PLCH2: variants seen among roughly 807,000 people sequenced by gnomAD.
The protein encoded by PLCH2 is phospholipase C eta 2, also known as 1-phosphatidylinositol 4,5-bisphosphate phosphodiesterase eta-2.
Under a neutral mutation model 134.7 loss-of-function variants are expected in PLCH2, and 98 were observed. The ratio of observed to expected loss-of-function variants is 0.73; its 90% CI spans 0.62 to 0.86. PLCH2 has a LOEUF of 0.86. Ranked by LOEUF, PLCH2 falls within the 40% of genes least tolerant of loss-of-function variation. The pLI, the probability that PLCH2 is intolerant of heterozygous loss-of-function variation, is 0.00. For missense variants in PLCH2, 1,994 were observed against 1,986.6 expected, an observed-to-expected ratio of 1.00 and a Z score of -0.07; for synonymous variants, 974 against 827.5, an observed-to-expected ratio of 1.18 and a Z score of -3.04.
At chr1:2,479,295 C>A (rs1003336185) in intron 2 of PLCH2, 1 of 170,852 alleles carries the variant, frequency 5.9e-6, no homozygotes, top group African/African-American at 2.4e-5. Flanking sequence ...CCAGGGGGAC[C>A]TGAGGTCACA....
chr1:2,432,658 C>G (rs968720736), intron 2 of PLCH2, among the ~76,000 whole-genome samples: 1 of 152,160 alleles, frequency 6.6e-6, no homozygotes, highest in Non-Finnish European at 1.5e-5. Context: ...TCTGAGCTGC[C>G]CAGACAGTGC....
chr1:2,424,298 TA>T (rs35560781), upstream of PLCH2, among the ~76,000 whole-genome samples: 83,740 of 151,342 alleles, frequency 0.55, 23,276 homozygotes, highest in East Asian at 0.64. Context: ...ACAACAGAAC[TA>T]AAAAATTCCC....
intron 19 of PLCH2, 70 bp downstream of exon 19, chr1:2,499,300 C>A: frequency 6.4e-7 from 1 of 1,555,852 alleles, no homozygotes; most frequent in Non-Finnish European, 8.8e-7. Context: ...TACTCTTTCC[C>A]CTGTGAGTCA....
chr1:2,497,019 G>C lies in PLCH2; in HGVS notation c.2116+9G>C, dbSNP rs751469232. Reference sequence around the variant, plus strand: ...CGCCGGCTGCCAAATGGGTGGGTGCGGGCATGGTGCGCTGGGTGTGGTGGG... The same window carrying C: ...CGCCGGCTGCCAAATGGGTGGGTGCCGGCATGGTGCGCTGGGTGTGGTGGG... On this transcript the variant is annotated intron_variant, in intron 15 of 21. Transcript: ENST00000378486. 1 of 1,610,624 alleles carries C rather than the reference G, an allele frequency of 6.2e-7. No homozygotes were observed. Among genetic ancestry groups the C allele is most frequent in the African/African-American group, 1.3e-5 (1 of 74,998 alleles).
rs765493639 is a variant in PLCH2 at position 2,484,583 on chromosome 1, G to T, written c.781G>T (p.Ala261Ser). ...YSNHKDHLDA[A>S]SLQRFLQVEQ... is the part of the protein sequence containing the mutation. ...CAACCACAAGGACCACCTGGATGCC[G>T]CCAGCCTGCAGCGCTTCCTGCAGGT... The change falls in exon 5 of 22, where the codon GCC becomes TCC. Residue 261 changes from alanine to serine, a missense_variant. Physicochemically the swap from Ala to Ser is moderately conservative, Grantham distance 99 (BLOSUM62 1). This residue lies in a region of PLCH2 where 1,094 missense variants were observed against 1,234.3 expected (regional missense o/e 0.89). Transcript: ENST00000378486. The T allele has an allele frequency of 1.2e-6, 2 of 1,612,698 alleles. No individual in the cohort carries two copies. The highest frequency in any genetic ancestry group is 1.1e-5 in the South Asian group (1 of 91,082).
chr1:2,477,753 G>A (rs930698701), intron 1 of PLCH2, among the ~76,000 whole-genome samples: 10 of 152,218 alleles, frequency 6.6e-5, no homozygotes, highest in African/African-American at 1.2e-4. Flanking sequence ...GCTCGGATCC[G>A]GCACCACAGC....
At chr1:2,486,104 A>G (rs1471680194) in intron 5 of PLCH2, among the ~76,000 whole-genome samples, 2 of 152,156 alleles carry the variant, frequency 1.3e-5, no homozygotes, top group Non-Finnish European at 2.9e-5. Context: ...ACCTGGCTGC[A>G]GATAGTAGGT....
chr1:2,450,200 G>C (rs1156458213), intron 2 of PLCH2, among the ~76,000 whole-genome samples: 1 of 152,134 alleles, frequency 6.6e-6, no homozygotes, highest in East Asian at 1.9e-4. Context: ...GGCAGATATC[G>C]GGCACCTCCT....
intron 5 of PLCH2, among the ~76,000 whole-genome samples, chr1:2,486,228 A>C (rs1021457994): frequency 6.6e-6 from 1 of 152,048 alleles, no homozygotes; most frequent in Non-Finnish European, 1.5e-5. Flanking sequence ...CCCTCTGTGC[A>C]CTCAGGAGCC....
chr1:2,447,911 C>T (rs554518621), intron 2 of PLCH2, among the ~76,000 whole-genome samples: 1 of 152,174 alleles, frequency 6.6e-6, no homozygotes, highest in African/African-American at 2.4e-5. Context: ...TCCCTGGCTG[C>T]GGGACTTTGG....
intron 11 of PLCH2, among the ~76,000 whole-genome samples, 171 bp from the exon 12 acceptor site, chr1:2,494,685 G>C (rs917407922): frequency 1.3e-5 from 2 of 152,126 alleles, no homozygotes; most frequent in African/African-American, 4.8e-5. Context: ...CTGCCACGGG[G>C]GCTCCCCAAC....
chr1:2,437,692 G>A (rs905837301), intron 2 of PLCH2, among the ~76,000 whole-genome samples: 5 of 152,136 alleles, frequency 3.3e-5, no homozygotes, highest in Admixed American at 1.3e-4. Flanking sequence ...ACATGCACAC[G>A]CACACACGAA....
In PLCH2 at chr1:2,468,306, C is replaced by T. The variant is rs1570365317; in HGVS notation, c.43+644C>T. Among the ~76,000 whole-genome samples the T allele has an allele frequency of 5.3e-5, 8 of 152,374 alleles. No individual in the cohort carries two copies. In the South Asian group the frequency reaches 1.0e-3, roughly 20 times the overall value. On this transcript the variant is annotated intron_variant, in intron 1 of 21. Transcript: ENST00000449969. ...TGGTCTGGCCCATCCCGCTCCGCTC[C>T]GGGTTGGAGATTTCTTGCTGTGATC... is the stretch of plus-strand genomic sequence containing the variant.
At chr1:2,466,513 G>A (rs1346796276), upstream of PLCH2, among the ~76,000 whole-genome samples, 1 of 152,234 alleles carries the variant, frequency 6.6e-6, no homozygotes, top group African/African-American at 2.4e-5. Context: ...CATGGCAGGA[G>A]GTGGTCACAC....
In PLCH2 at chr1:2,487,723, G is replaced by C; in HGVS notation, c.1235+5G>C. On this transcript the variant is annotated splice_donor_5th_base_variant and intron_variant, in intron 8 of 21. Transcript: ENST00000378486. ...ATATGCCTTCATCAAGAATGAGTGA[G>C]TGGCTGGGCCTAGCGGGGCTGGCCC... 1 of 1,612,536 alleles carries C rather than the reference G, an allele frequency of 6.2e-7. No homozygotes were observed.
intron 1 of PLCH2, chr1:2,426,064 A>C (rs991020628): frequency 3.9e-5 from 6 of 152,248 alleles, no homozygotes; most frequent in African/African-American, 1.4e-4. Flanking sequence ...GTGCTGTTTC[A>C]ACAAAGACCT....
rs765947066 is a variant in PLCH2, at chr1:2,478,610, G to A, written c.259G>A (p.Glu87Lys). The change falls in exon 2 of 22, where the codon GAG (glutamate) becomes AAG (lysine). Residue 87 changes from glutamate to lysine, a missense_variant. Glu to Lys is a moderately conservative substitution (Grantham distance 56). Around this residue, in one of 2 missense-constraint regions of PLCH2, gnomAD observed 1,094 missense variants for 1,234.3 expected, o/e 0.89. Transcript: ENST00000378486. Reference sequence around the variant, plus strand: ...CCGCTGGAGGCCCTCACGCAAGAACGAGAAGGCCAAGAGTGAGTGGGAGCC... The same window carrying A: ...CCGCTGGAGGCCCTCACGCAAGAACAAGAAGGCCAAGAGTGAGTGGGAGCC... ...CIRWRPSRKN[E>K]KAKISIDSIQ... 3.7e-6 allele frequency: 6 copies of A among 1,610,148 alleles called. No homozygotes were observed. In the East Asian group the frequency reaches 8.9e-5, roughly 24 times the overall value.
At chr1:2,503,435 T>C (rs1309487763) in intron 21 of PLCH2, 2 of 599,198 alleles carry the variant, frequency 3.3e-6, no homozygotes, top group Non-Finnish European at 5.9e-6. Context: ...TGCTGAGTGC[T>C]GCGTGGAGTA....
chr1:2,427,075 C>A (rs1268145308), intron 1 of PLCH2, among the ~76,000 whole-genome samples: 1 of 152,234 alleles, frequency 6.6e-6, no homozygotes, highest in Non-Finnish European at 1.5e-5. Flanking sequence ...CCCAGGACGT[C>A]TTGGCCGGGG....
Sources: gnomAD v4.1 joint callset for allele counts (sites outside exome capture counted in the v4.1 genomes callset) on GRCh38, gnomAD v4.1.1 for gene constraint, gnomAD v4.1.1 regional missense constraint, MANE v1.5 for transcripts, NCBI Gene and HGNC (gene_info 2026-07-23, HGNC 2026-07-21) for gene names.